Variants in MAF observed in about 807,000 individuals in gnomAD.
The protein encoded by MAF is MAF bZIP transcription factor.
A neutral mutation model predicts 22.0 loss-of-function variants in MAF; 10 were observed. That is an observed-to-expected ratio of 0.45 (90% CI 0.28 to 0.77). MAF has a LOEUF of 0.77. Ranked by LOEUF, MAF falls within the 30% of genes least tolerant of loss-of-function variation. The pLI, the probability that MAF is intolerant of heterozygous loss-of-function variation, is 0.12. For missense variants in MAF, 544 were observed against 548.4 expected (o/e 0.99, Z 0.08); for synonymous variants, 337 against 255.8 (o/e 1.32, Z -3.03).
At chr16:79,486,587 T>C in the MAF span, among the ~76,000 whole-genome samples, 1 of 152,218 alleles carries the variant, frequency 6.6e-6, no homozygotes, top group Non-Finnish European at 1.5e-5. Context: ...GAAAATGCTG[T>C]TTGGTTATTG....
downstream of MAF, among the ~76,000 whole-genome samples, chr16:79,593,526 G>T (rs374202039): frequency 6.6e-6 from 1 of 152,210 alleles, no homozygotes; most frequent in Non-Finnish European, 1.5e-5. Flanking sequence ...AGATCAGAGC[G>T]TGAGCATCCT....
At chr16:79,564,293 C>A in the MAF span, among the ~76,000 whole-genome samples, 1 of 152,160 alleles carries the variant, frequency 6.6e-6, no homozygotes, top group Non-Finnish European at 1.5e-5. Context: ...TGGAAGACTT[C>A]TTTTTTGCAT....
At chr16:79,478,495 C>CTT in the MAF span, among the ~76,000 whole-genome samples, 1 of 152,130 alleles carries the variant, frequency 6.6e-6, no homozygotes, top group Admixed American at 6.5e-5. Context: ...CAATCACTAG[C>CTT]AGTGGGATAG....
chr16:79,586,301 A>G (rs1296958717), intron 1 of MAF, among the ~76,000 whole-genome samples: 3 of 152,176 alleles, frequency 2.0e-5, no homozygotes, highest in African/African-American at 7.2e-5. Context: ...AAGGATTTGA[A>G]TCATTTCTGT....
chr16:79,203,625 C>T, the MAF span: 1 of 151,924 alleles, frequency 6.6e-6, no homozygotes, highest in Non-Finnish European at 1.5e-5. Context: ...TCCTGAAATC[C>T]TCCCTGCTCA....
the MAF span, among the ~76,000 whole-genome samples, chr16:79,339,139 G>A: frequency 3.3e-5 from 5 of 151,798 alleles, no homozygotes; most frequent in African/African-American, 1.2e-4. Flanking sequence ...GCACCATCTC[G>A]GCTCACTGCA....
chr16:79,223,709 C>A, the MAF span, among the ~76,000 whole-genome samples: 2 of 152,084 alleles, frequency 1.3e-5, no homozygotes, highest in Non-Finnish European at 2.9e-5. Context: ...ATACAAACTA[C>A]CATCAGAGAA....
downstream of MAF, among the ~76,000 whole-genome samples, chr16:79,590,519 G>C (rs1325142469): frequency 6.6e-6 from 1 of 152,158 alleles, no homozygotes; most frequent in African/African-American, 2.4e-5. Flanking sequence ...TGGATGACCA[G>C]GCATGGAAGG....
At chr16:79,481,318 G>C in the MAF span, among the ~76,000 whole-genome samples, 1 of 151,684 alleles carries the variant, frequency 6.6e-6, no homozygotes, top group South Asian at 2.1e-4. Flanking sequence ...AGTTTAATGG[G>C]CTCTAAGTTA....
At chr16:79,566,189 G>A in the MAF span, among the ~76,000 whole-genome samples, 1 of 152,088 alleles carries the variant, frequency 6.6e-6, no homozygotes, top group Non-Finnish European at 1.5e-5. Flanking sequence ...CCATATATCT[G>A]TAAGGACCAA....
the MAF span, among the ~76,000 whole-genome samples, chr16:79,270,550 G>T: frequency 6.6e-6 from 1 of 152,202 alleles, no homozygotes; most frequent in African/African-American, 2.4e-5. Context: ...GATACCAAGG[G>T]AAAGATTTAG....
the MAF span, among the ~76,000 whole-genome samples, chr16:79,464,291 A>G: frequency 1.1e-4 from 17 of 152,304 alleles, no homozygotes; most frequent in African/African-American, 3.8e-4. Context: ...GTGTGCGTAG[A>G]TCTGACTGTG....
the MAF span, among the ~76,000 whole-genome samples, chr16:79,374,111 T>A: frequency 1.3e-5 from 2 of 152,120 alleles, no homozygotes; most frequent in Admixed American, 1.3e-4. Flanking sequence ...AGTAAAAAAA[T>A]ACAACATGTA....
chr16:79,264,530 T>G, the MAF span: 1 of 152,236 alleles, frequency 6.6e-6, no homozygotes, highest in African/African-American at 2.4e-5. Flanking sequence ...GCCTGGTTAG[T>G]ACTTGGATGG....
intron 1 of MAF, among the ~76,000 whole-genome samples, chr16:79,588,244 A>G (rs993941738): frequency 6.6e-6 from 1 of 152,160 alleles, no homozygotes. Context: ...GTGTCTCCAC[A>G]CTGCTCCGAG....
At chr16:79,311,176 G>A in the MAF span, among the ~76,000 whole-genome samples, 3 of 151,966 alleles carry the variant, frequency 2.0e-5, no homozygotes, top group Non-Finnish European at 4.4e-5. Context: ...CTCTCTCTGG[G>A]CTCTAAGCTG....
chr16:79,309,344 A>G, the MAF span, among the ~76,000 whole-genome samples: 11 of 152,172 alleles, frequency 7.2e-5, no homozygotes, highest in South Asian at 2.1e-4. Flanking sequence ...TAAGGTTACC[A>G]TTTTGTCGGG....
the MAF span, among the ~76,000 whole-genome samples, chr16:79,207,993 C>T: frequency 2.0e-5 from 3 of 152,160 alleles, 1 homozygote; most frequent in Non-Finnish European, 4.4e-5. Context: ...CTGAGGGCCT[C>T]AACTATAAAT....
At chr16:79,258,747 TC>T in the MAF span, among the ~76,000 whole-genome samples, 1 of 152,086 alleles carries the variant, frequency 6.6e-6, no homozygotes, top group Non-Finnish European at 1.5e-5. Context: ...TAAATAGACA[TC>T]CCCTCTCCCT....
Sources: gnomAD v4.1 joint callset for allele counts (sites outside exome capture counted in the v4.1 genomes callset) on GRCh38, gnomAD v4.1.1 for gene constraint, MANE v1.5 for transcripts, NCBI Gene and HGNC (gene_info 2026-07-23, HGNC 2026-07-21) for gene names.